HOOK3: variants seen among roughly 807,000 people sequenced by gnomAD.
HOOK3 encodes hook microtubule tethering protein 3.
In HOOK3, 24 loss-of-function variants were observed where a neutral mutation model predicts 116.3. The observed-to-expected ratio is 0.21, with a 90% CI of 0.15 to 0.29. The LOEUF (loss-of-function observed/expected upper bound fraction) is 0.29, where lower values mean the gene tolerates loss of function less well. Ranked by LOEUF, HOOK3 falls within the 10% of genes least tolerant of loss-of-function variation. The pLI, the probability that HOOK3 is intolerant of heterozygous loss-of-function variation, is 1.00. For synonymous variants in HOOK3, 275 were observed against 283.0 expected (o/e 0.97, Z 0.28); for missense variants, 632 against 830.2 (o/e 0.76, Z 2.93).
chr8:42,929,350 G>C (rs1807830048), intron 3 of HOOK3, among the ~76,000 whole-genome samples: 1 of 152,140 alleles, frequency 6.6e-6, no homozygotes, highest in African/African-American at 2.4e-5. Context: ...TCACATTGCT[G>C]TGATTCAGGC....
intron 2 of HOOK3, among the ~76,000 whole-genome samples, chr8:42,911,230 T>A (rs1434232462): frequency 6.6e-6 from 1 of 152,132 alleles, no homozygotes; most frequent in Non-Finnish European, 1.5e-5. Flanking sequence ...GGCGGGTGGA[T>A]CACCTGAGGT....
rs1457954022 is a variant in HOOK3 at position 43,027,089 on chromosome 8, G to A, written c.*8591G>A. On this transcript the variant is annotated 3_prime_UTR_variant, in exon 22 of 22. Coordinates refer to ENST00000307602, the MANE Select transcript of HOOK3 (RefSeq NM_032410.4). The stretch of plus-strand genomic sequence containing the variant: ...GTATTTTTAGTAAAGACAGGGTGTC[G>A]CCATATTGGCTAGGCTGGTTTTGAA... 6 of 178,938 alleles carry A rather than the reference G, an allele frequency of 3.4e-5. No homozygotes were observed. Among genetic ancestry groups the A allele is most frequent in the East Asian group, 1.0e-4 (1 of 10,040 alleles). 11.1% of individuals were successfully genotyped at this position (178,938 alleles called of 1,614,324 possible).
chr8:42,976,037 T>G (rs1808820784), intron 13 of HOOK3, among the ~76,000 whole-genome samples: 1 of 143,630 alleles, frequency 7.0e-6, no homozygotes, highest in Non-Finnish European at 1.5e-5. Flanking sequence ...TGTGTATATA[T>G]ATATGTGTGT....
At chr8:42,899,415 G>T (rs1352292688) in intron 1 of HOOK3, among the ~76,000 whole-genome samples, 1 of 152,176 alleles carries the variant, frequency 6.6e-6, no homozygotes, top group Non-Finnish European at 1.5e-5. Flanking sequence ...TCATGAAGAT[G>T]TACAGTTCTA....
chr8:42,966,212 G>T (rs969786258), intron 9 of HOOK3, among the ~76,000 whole-genome samples: 2 of 152,072 alleles, frequency 1.3e-5, no homozygotes, highest in African/African-American at 4.8e-5. Context: ...AATTGTATCT[G>T]CAATATTTCA....
Position 42,997,579 on chromosome 8 carries a change from A to G in HOOK3, c.1562A>G (p.Gln521Arg). The G allele has an allele frequency of 6.2e-7, 1 of 1,610,482 alleles. No homozygotes were observed. The highest frequency in any genetic ancestry group is 1.1e-5 in the South Asian group (1 of 90,350). Residue 521 changes from glutamine to arginine, a missense_variant, in exon 16 of 22, where the codon CAG becomes CGG. Coordinates refer to ENST00000307602, the MANE Select transcript of HOOK3 (RefSeq NM_032410.4). ...RLVNQRLLEV[Q>R]SQVEELQKSL... Reference sequence around the variant, plus strand: ...GTGAATCAAAGACTTCTGGAAGTACAGTCACAAGTTGAAGAATTACAAAAA... The same window carrying G: ...GTGAATCAAAGACTTCTGGAAGTACGGTCACAAGTTGAAGAATTACAAAAA...
intron 15 of HOOK3, among the ~76,000 whole-genome samples, chr8:42,987,299 T>C (rs1023959713): frequency 2.0e-5 from 3 of 152,212 alleles, no homozygotes; most frequent in Non-Finnish European, 4.4e-5. Context: ...CAAAAAACAT[T>C]GGGCCTTTTT....
chr8:43,013,973 A>G (rs1161052611), intron 21 of HOOK3, among the ~76,000 whole-genome samples: 1 of 152,088 alleles, frequency 6.6e-6, no homozygotes, highest in African/African-American at 2.4e-5. Flanking sequence ...GTTCTTCCCA[A>G]TAAGACCACT....
chr8:42,917,548 TC>T (rs1435468578), intron 2 of HOOK3, among the ~76,000 whole-genome samples: 1 of 152,072 alleles, frequency 6.6e-6, no homozygotes, highest in Non-Finnish European at 1.5e-5. Flanking sequence ...CAAAAGACAC[TC>T]CACTCAGGAA....
intron 6 of HOOK3, among the ~76,000 whole-genome samples, chr8:42,955,902 C>T (rs1257834842): frequency 2.0e-5 from 3 of 152,232 alleles, no homozygotes; most frequent in South Asian, 4.1e-4. Flanking sequence ...CTTGTTACAT[C>T]GCCCAGGCTA....
Position 42,910,243 on chromosome 8 carries a change from A to T in HOOK3, c.143+3985A>T, listed in dbSNP as rs112048953. The stretch of plus-strand genomic sequence containing the variant: ...TTTTTCATGAATTGAAGTAAACAAG[A>T]TCATAATATACATTGTGTTTTGCAA... On this transcript the variant is annotated intron_variant, in intron 2 of 21. Transcript: ENST00000307602. 4.2e-3 allele frequency among the ~76,000 whole-genome samples: 644 copies of T among 152,356 alleles called. 4 individuals carry two copies. The highest frequency in any genetic ancestry group is 0.015 in the African/African-American group (604 of 41,580).
chr8:42,988,335 T>TCC (rs1809088112), intron 15 of HOOK3, among the ~76,000 whole-genome samples: 3 of 152,210 alleles, frequency 2.0e-5, no homozygotes, highest in Non-Finnish European at 4.4e-5. Context: ...GGCTGTATTT[T>TCC]AGCCATTTTA....
At chr8:42,914,234 C>G (rs1329773410) in intron 2 of HOOK3, among the ~76,000 whole-genome samples, 2 of 152,136 alleles carry the variant, frequency 1.3e-5, no homozygotes, top group African/African-American at 4.8e-5. Flanking sequence ...CCCTCATTTC[C>G]CAACAATTTG....
At chr8:42,951,791 AT>A (rs1808349202) in intron 6 of HOOK3, among the ~76,000 whole-genome samples, 1 of 151,824 alleles carries the variant, frequency 6.6e-6, no homozygotes, top group Admixed American at 6.6e-5. Context: ...AAATACAAAA[AT>A]TATCTGGGCA....
At position 42,944,828 on chromosome 8, in the gene HOOK3, A is replaced by T. The variant is rs959877701; in HGVS notation, c.400+1383A>T. 2.6e-5 allele frequency among the ~76,000 whole-genome samples: 4 copies of T among 152,322 alleles called. No individual in the cohort carries two copies. The South Asian group carries it at 6.2e-4, about 24-fold the overall frequency. On this transcript the variant is annotated intron_variant, in intron 5 of 21. Transcript: ENST00000307602. The stretch of plus-strand genomic sequence containing the variant: ...ATCAAGACTTTTTCTCAGAAAAAAA[A>T]AATAATAAAATAACTTAATGGTATC...
intron 1 of HOOK3, among the ~76,000 whole-genome samples, chr8:42,902,888 A>AC (rs1450522866): frequency 6.6e-6 from 1 of 152,222 alleles, no homozygotes; most frequent in Non-Finnish European, 1.5e-5. Flanking sequence ...GAAGAATGAG[A>AC]CATAGTCCTC....
At chr8:42,952,204 G>A (rs1202858681) in intron 6 of HOOK3, among the ~76,000 whole-genome samples, 1 of 152,216 alleles carries the variant, frequency 6.6e-6, no homozygotes, top group Admixed American at 6.5e-5. Context: ...TGTACATTGT[G>A]TAATTTACTA....
rs1808492779 is a variant in HOOK3 at position 42,959,231 on chromosome 8, C to A, written c.532C>A (p.Leu178Met). ...TGTTTATCTCTTTGTTTCTAACCAG[C>A]TGAAGAAAACTACAGAGGAACTAAA... ...NDAYVDLDRQ[L>M]KKTTEELNEA... Residue 178 changes from leucine (L) to methionine (M), a missense_variant and splice_region_variant, in exon 8 of 22, where the codon CTG becomes ATG. By Grantham distance (15) the Leu-to-Met change is conservative. Transcript: ENST00000307602. 1 of 1,607,026 alleles carries A rather than the reference C, an allele frequency of 6.2e-7. No individual in the cohort carries two copies. Among genetic ancestry groups the A allele is most frequent in the South Asian group, 1.1e-5 (1 of 90,666 alleles).
Position 43,019,915 on chromosome 8 carries a change from A to G in HOOK3, c.*1417A>G, listed in dbSNP as rs1050938529. 2 of 202,350 alleles carry G rather than the reference A, an allele frequency of 9.9e-6. No individual in the cohort carries two copies. Among genetic ancestry groups the G allele is most frequent in the African/African-American group, 4.6e-5 (2 of 43,690 alleles). The allele number at this position is 202,350 out of a possible 1,614,324, so 12.5% of individuals were successfully genotyped here. On this transcript the variant is annotated 3_prime_UTR_variant, in exon 22 of 22. Coordinates refer to ENST00000307602, the MANE Select transcript of HOOK3 (RefSeq NM_032410.4). ...ATTTTTAGGTTAGGTCACTTAATAT[A>G]GGAGGATGTTTTCTCATGTACTTGC...
Sources: allele counts gnomAD v4.1 joint callset (sites outside exome capture counted in the v4.1 genomes callset), GRCh38; gene constraint gnomAD v4.1.1; transcripts MANE v1.5; gene names NCBI Gene and HGNC (gene_info 2026-07-23, HGNC 2026-07-21).